Variants in TMEM181 observed in about 807,000 individuals in gnomAD.
The protein encoded by TMEM181 is G protein-coupled receptor 178.
Under a neutral mutation model 71.9 loss-of-function variants are expected in TMEM181, and 39 were observed. The ratio of observed to expected loss-of-function variants is 0.54; its 90% CI spans 0.42 to 0.71. The LOEUF (loss-of-function observed/expected upper bound fraction) is 0.71. Ranked by LOEUF, TMEM181 falls within the 30% of genes least tolerant of loss-of-function variation. The pLI is 0.00. For missense variants in TMEM181, 595 were observed against 583.0 expected (o/e 1.02, Z -0.21); for synonymous variants, 245 against 228.8 (o/e 1.07, Z -0.64).
intron 2 of TMEM181, among the ~76,000 whole-genome samples, chr6:158,579,729 A>G (rs550409654): frequency 6.6e-6 from 1 of 152,324 alleles, no homozygotes; most frequent in South Asian, 2.1e-4. Context: ...CAAAAAACAA[A>G]CAAACAAAAA....
intron 2 of TMEM181, among the ~76,000 whole-genome samples, chr6:158,576,858 C>T (rs1039917467): frequency 2.0e-5 from 3 of 151,786 alleles, no homozygotes; most frequent in African/African-American, 4.8e-5. Context: ...GTCAGGAGAT[C>T]GAGACCATCC....
chr6:158,589,557 C>A, intron 5 of TMEM181, 115 bp from the exon 6 acceptor site: 1 of 747,760 alleles, frequency 1.3e-6, no homozygotes, highest in Non-Finnish European at 2.3e-6. Flanking sequence ...TTGGCGAGTT[C>A]CCTGGAGACA....
intron 1 of TMEM181, among the ~76,000 whole-genome samples, chr6:158,570,378 G>A (rs1401604765): frequency 6.6e-6 from 1 of 151,428 alleles, no homozygotes; most frequent in East Asian, 1.9e-4. Context: ...GACTACAGGT[G>A]CCCGCCACAA....
intron 2 of TMEM181, among the ~76,000 whole-genome samples, chr6:158,578,077 C>T (rs1235158923): frequency 5.3e-5 from 8 of 151,830 alleles, no homozygotes; most frequent in South Asian, 4.2e-4. Context: ...GCAACAAGAG[C>T]GAAACTCCAT....
chr6:158,608,456 G>A lies in TMEM181; in HGVS notation c.797G>A (p.Arg266His), dbSNP rs201228986. The A allele has an allele frequency of 6.8e-6, 11 of 1,614,054 alleles. No homozygotes were observed. The highest frequency in any genetic ancestry group is 3.3e-5 in the Admixed American group (2 of 60,004). The change falls in exon 9 of 17, where the codon CGT (arginine) becomes CAT (histidine). Residue 266 changes from arginine to histidine, a missense_variant. Physicochemically the swap from Arg to His is conservative, Grantham distance 29 (BLOSUM62 0). Transcript: ENST00000684151. ...TGGCTGTGCGTGTACCACGGGATTC[G>A]TGTCCAGGTGAGCCGGAGCCGCCCT... is the stretch of plus-strand genomic sequence containing the variant. Reference protein sequence around the residue: ...LFWLCVYHGIRVQGERKCLTF... With the variant: ...LFWLCVYHGIHVQGERKCLTF...
intron 8 of TMEM181, 101 bp downstream of exon 8, chr6:158,607,444 G>C (rs3734475): frequency 0.29 from 308,941 of 1,053,378 alleles, 49,780 homozygotes; most frequent in East Asian, 0.61. Context: ...TTGAGAGGCT[G>C]GGGCAGGAGG....
chr6:158,609,330 A>T (rs1562305937), intron 10 of TMEM181, among the ~76,000 whole-genome samples: 1 of 150,588 alleles, frequency 6.6e-6, no homozygotes, highest in African/African-American at 2.4e-5. Context: ...TTTTTTTTTT[A>T]GACGAATAGG....
At chr6:158,583,812 A>G (rs1443404836) in intron 3 of TMEM181, 142 bp from the exon 4 acceptor site, 5 of 577,602 alleles carry the variant, frequency 8.7e-6, no homozygotes, top group Non-Finnish European at 1.2e-5. Context: ...TAAAAAAAAG[A>G]AGGAAAACCT....
chr6:158,606,087 C>T (rs935368001), intron 7 of TMEM181, among the ~76,000 whole-genome samples: 23 of 151,950 alleles, frequency 1.5e-4, no homozygotes, highest in African/African-American at 5.1e-4. Context: ...AGGACACAGG[C>T]GCGTGCACAT....
intron 1 of TMEM181, among the ~76,000 whole-genome samples, chr6:158,561,882 CTG>C (rs1317027572): frequency 2.0e-5 from 3 of 152,146 alleles, no homozygotes; most frequent in African/African-American, 2.4e-5. Context: ...TACCTGGAAA[CTG>C]AGAAGAGTTT....
At chr6:158,631,615 G>A (rs1479869842) in intron 16 of TMEM181, among the ~76,000 whole-genome samples, 195 bp from the exon 17 acceptor site, 2 of 152,228 alleles carry the variant, frequency 1.3e-5, no homozygotes, top group Non-Finnish European at 2.9e-5. Context: ...GGGAAGAACT[G>A]TGCTTTCTGG....
intron 1 of TMEM181, among the ~76,000 whole-genome samples, chr6:158,541,362 A>G (rs987280660): frequency 1.3e-5 from 2 of 152,214 alleles, no homozygotes; most frequent in African/African-American, 4.8e-5. Flanking sequence ...GGTTGCAGTG[A>G]GTTGAGATCA....
At position 158,628,360 on chromosome 6, in the gene TMEM181, G is replaced by A. The variant is rs144449300; in HGVS notation, c.1110-48G>A. 3.3e-4 allele frequency: 517 copies of A among 1,582,126 alleles called. 1 individual carries two copies. The Admixed American group carries it at 6.7e-3, about 21-fold the overall frequency. On this transcript the variant is annotated intron_variant, in intron 13 of 16. Transcript: ENST00000684151. ...TAGAGAATTCTCTGAAGCTAGTGCC[G>A]TTTTCGTGCATGTTTACATATTGTC...
At chr6:158,557,591 C>T (rs1293570348), upstream of TMEM181, among the ~76,000 whole-genome samples, 4 of 151,924 alleles carry the variant, frequency 2.6e-5, no homozygotes. Context: ...GATCTTGGCT[C>T]ACTGCAAGCT....
intron 13 of TMEM181, 30 bp from the exon 14 acceptor site, chr6:158,628,378 A>G (rs776035343): frequency 2.5e-6 from 4 of 1,611,258 alleles, no homozygotes; most frequent in Admixed American, 3.3e-5. Flanking sequence ...GCATGTTTAC[A>G]TATTGTCTCT....
chr6:158,589,871 A>C, intron 6 of TMEM181, 89 bp downstream of exon 6: 2 of 967,436 alleles, frequency 2.1e-6, no homozygotes, highest in Non-Finnish European at 1.6e-6. Flanking sequence ...TCAGCATCTA[A>C]ATAATGTTAA....
At chr6:158,616,614 T>G (rs1785628526) in intron 10 of TMEM181, among the ~76,000 whole-genome samples, 1 of 152,212 alleles carries the variant, frequency 6.6e-6, no homozygotes, top group Non-Finnish European at 1.5e-5. Flanking sequence ...TGATATTGGC[T>G]GTGGGTTTGT....
upstream of TMEM181, among the ~76,000 whole-genome samples, chr6:158,556,533 A>G (rs1443512515): frequency 6.6e-6 from 1 of 152,228 alleles, no homozygotes; most frequent in Non-Finnish European, 1.5e-5. Flanking sequence ...GGAGGATTAC[A>G]TAATTGTTTT....
intron 10 of TMEM181, among the ~76,000 whole-genome samples, chr6:158,618,076 G>T (rs1382544505): frequency 1.3e-5 from 2 of 151,908 alleles, no homozygotes; most frequent in East Asian, 3.8e-4. Context: ...TTGACAGTGG[G>T]GTGTTAAAGT....
Sources: gnomAD v4.1 joint callset for allele counts (sites outside exome capture counted in the v4.1 genomes callset) on GRCh38, gnomAD v4.1.1 for gene constraint, MANE v1.5 for transcripts, NCBI Gene and HGNC (gene_info 2026-07-23, HGNC 2026-07-21) for gene names.